The following KDM8 variants were observed in gnomAD, a reference collection of about 807,000 sequenced individuals.
KDM8 encodes the protein bifunctional peptidase and arginyl-hydroxylase JMJD5.
A neutral mutation model predicts 46.9 loss-of-function variants in KDM8; 35 were observed. The ratio of observed to expected loss-of-function variants is 0.75; its 90% CI spans 0.57 to 0.99. The LOEUF is 0.99. Ranked by LOEUF, KDM8 falls within the 50% of genes least tolerant of loss-of-function variation. The probability of loss-of-function intolerance (pLI) is 0.00; values close to 1 mark genes in which losing one functional copy is unlikely to be tolerated. For missense variants in KDM8, 475 were observed against 537.0 expected (o/e 0.88, Z 1.14); for synonymous variants, 232 against 227.7 (o/e 1.02, Z -0.17).
Position 27,210,187 on chromosome 16 carries a change from C to T in KDM8, c.64C>T (p.Leu22Phe). The change falls in exon 2 of 8, where the codon CTC becomes TTC. Residue 22 changes from leucine to phenylalanine, a missense_variant. Transcript: ENST00000286096. ...LAREGTLWEA[L>F]RALLPHSKED... ...CAGAGAAGGCACTTTATGGGAGGCCCTCAGGGCGCTCCTGCCGCACAGTAA... is the reference window on the plus strand; with the variant it reads ...CAGAGAAGGCACTTTATGGGAGGCCTTCAGGGCGCTCCTGCCGCACAGTAA... 1 of 1,613,450 alleles carries T rather than the reference C, an allele frequency of 6.2e-7. No individual in the cohort carries two copies. The highest frequency in any genetic ancestry group is 8.5e-7 in the Non-Finnish European group (1 of 1,180,034).
intron 2 of KDM8, 172 bp from the exon 3 acceptor site, chr16:27,213,413 A>G: frequency 1.6e-6 from 1 of 621,980 alleles, no homozygotes; most frequent in Non-Finnish European, 2.7e-6. Flanking sequence ...CCTTGATCTC[A>G]TGAGGAGCAA....
At chr16:27,208,870 G>A (rs1300199251) in intron 1 of KDM8, among the ~76,000 whole-genome samples, 3 of 152,184 alleles carry the variant, frequency 2.0e-5, no homozygotes, top group South Asian at 2.1e-4. Flanking sequence ...GGGGCTCTCT[G>A]AGCCCTACCA....
intron 5 of KDM8, 53 bp downstream of exon 5, chr16:27,216,042 C>T (rs1057255341): frequency 6.3e-7 from 1 of 1,590,940 alleles, no homozygotes; most frequent in South Asian, 1.1e-5. Flanking sequence ...TTCCCCTCTC[C>T]TCCCCTCCTG....
Position 27,210,593 on chromosome 16 carries a change from G to C in KDM8, c.470G>C (p.Gly157Ala), listed in dbSNP as rs755953168. The change falls in exon 2 of 8, where the codon GGC (glycine) becomes GCC (alanine). Residue 157 changes from glycine to alanine, a missense_variant. Physicochemically the swap from Gly to Ala is moderately conservative, Grantham distance 60. Coordinates refer to ENST00000286096, the MANE Select transcript of KDM8 (RefSeq NM_024773.3). Reference protein sequence around the residue: ...THLPGKRPARGSLPEQPCTKK... With the variant: ...THLPGKRPARASLPEQPCTKK... ...CTCCCTGGAAAGAGGCCTGCCCGTGGCTCCCTCCCAGAGCAACCCTGCACA... is the reference window on the plus strand; with the variant it reads ...CTCCCTGGAAAGAGGCCTGCCCGTGCCTCCCTCCCAGAGCAACCCTGCACA... 4 of 1,514,964 alleles carry C rather than the reference G, an allele frequency of 2.6e-6. No homozygotes were observed. The South Asian group carries it at 5.3e-5, about 20-fold the overall frequency. The allele number at this position is 1,514,964 out of a possible 1,614,324, so 93.8% of individuals were successfully genotyped here.
chr16:27,206,222 C>T (rs752449003), intron 1 of KDM8: 75 of 984,242 alleles, frequency 7.6e-5, no homozygotes, highest in Admixed American at 1.8e-4. Context: ...ATTCTTGACT[C>T]CCTCCTTTGG....
In KDM8 at chr16:27,220,461, G is replaced by T. The variant is rs202035405; in HGVS notation, c.1062G>T (p.Thr354=). The T allele has an allele frequency of 1.2e-6, 2 of 1,614,112 alleles. No individual in the cohort carries two copies. Among genetic ancestry groups the T allele is most frequent in the Non-Finnish European group, 8.5e-7 (1 of 1,179,988 alleles). ...QESGALYPHD[T]HLLHNTSQVD... ...CAGGGGCTCTGTACCCTCATGACAC[G>T]CACCTTCTCCATAACACGAGCCAGG... Residue 354 remains threonine (T), a synonymous_variant, in exon 7 of 8, where the codon ACG becomes ACT. Transcript: ENST00000286096.
Position 27,220,663 on chromosome 16 carries a change from C to T in KDM8, c.1184C>T (p.Pro395Leu), listed in dbSNP as rs752894004. ...TCTCCTGGAGAGATCCTGTTCATCCCGGTGAAATACTGGCATTACGTGCGG... is the reference window on the plus strand; with the variant it reads ...TCTCCTGGAGAGATCCTGTTCATCCTGGTGAAATACTGGCATTACGTGCGG... ...ILSPGEILFIPVKYWHYVRAL... is the reference protein window; with the variant it reads ...ILSPGEILFILVKYWHYVRAL... Residue 395 changes from proline to leucine, a missense_variant, in exon 8 of 8, where the codon CCG (proline) becomes CTG (leucine). By Grantham distance (98) the Pro-to-Leu change is moderately conservative (BLOSUM62 -3). Transcript: ENST00000286096. The T allele has an allele frequency of 1.8e-5, 29 of 1,614,028 alleles. No homozygotes were observed. The highest frequency in any genetic ancestry group is 2.4e-5 in the Non-Finnish European group (28 of 1,180,024).
At chr16:27,204,161 C>T in intron 1 of KDM8, 2 of 1,515,580 alleles carry the variant, frequency 1.3e-6, no homozygotes, top group Non-Finnish European at 1.8e-6. Flanking sequence ...CCTCGGGGCT[C>T]AAGGCCAGTG....
At chr16:27,214,610 GCA>G (rs1044883020) in intron 3 of KDM8, 32 of 425,136 alleles carry the variant, frequency 7.5e-5, no homozygotes, top group Admixed American at 1.4e-4. Flanking sequence ...GAGGCTGTTG[GCA>G]AGCAGGGAAC....
chr16:27,221,246 T>A lies in KDM8; in HGVS notation c.*516T>A, dbSNP rs2083622999. Reference sequence around the variant, plus strand: ...CTGCTGCTGCATGAACCTTAGCCGCTGTCACTGATCCCAATTACTCTGATC... The same window carrying A: ...CTGCTGCTGCATGAACCTTAGCCGCAGTCACTGATCCCAATTACTCTGATC... On this transcript the variant is annotated 3_prime_UTR_variant, in exon 8 of 8. Coordinates refer to ENST00000286096, the MANE Select transcript of KDM8 (RefSeq NM_024773.3). 3.6e-6 allele frequency: 1 copy of A among 276,934 alleles called. No individual in the cohort carries two copies. The highest frequency in any genetic ancestry group is 7.2e-6 in the Non-Finnish European group (1 of 139,796). The allele number at this position is 276,934 out of a possible 1,614,324, so 17.2% of individuals were successfully genotyped here. A position where few individuals can be genotyped will look rare whatever the true frequency, so the allele number is the denominator to read the frequency against.
At chr16:27,214,820 G>A (rs2083529384) in intron 3 of KDM8, 56 bp from the exon 4 acceptor site, 1 of 1,604,450 alleles carries the variant, frequency 6.2e-7, no homozygotes, top group Non-Finnish European at 8.5e-7. Context: ...AGCACACTTA[G>A]TACTATGCCC....
rs1049519488 is a variant in KDM8, at chr16:27,219,242, A to C, written c.993+132A>C. On this transcript the variant is annotated intron_variant, in intron 6 of 7. Transcript: ENST00000286096. ...AGCACTGAAGGGGATGAGGACAAAA[A>C]TATAAAGCAAACCCACAAACGGCCC... 16 of 1,028,210 alleles carry C rather than the reference A, an allele frequency of 1.6e-5. No individual in the cohort carries two copies. In the African/African-American group the frequency reaches 2.5e-4, roughly 16 times the overall value. 63.7% of individuals were successfully genotyped at this position (1,028,210 alleles called of 1,614,324 possible). A position where few individuals can be genotyped will look rare whatever the true frequency, so the allele number is the denominator to read the frequency against.
Position 27,214,861 on chromosome 16 carries a change from G to A in KDM8, c.666-15G>A, listed in dbSNP as rs2140971282. ...ATATTAGCAGTGACGATGCCAATGT[G>A]TGTCTTTCTGCTAGTTTGGAGTATA... On this transcript the variant is annotated splice_polypyrimidine_tract_variant and intron_variant, in intron 3 of 7. Transcript: ENST00000286096. 2 of 1,613,944 alleles carry A rather than the reference G, an allele frequency of 1.2e-6. No homozygotes were observed.
Position 27,210,601 on chromosome 16 carries a change from C to G in KDM8, c.478C>G (p.Pro160Ala). 1 of 1,513,788 alleles carries G rather than the reference C, an allele frequency of 6.6e-7. No individual in the cohort carries two copies. Among genetic ancestry groups the G allele is most frequent in the Non-Finnish European group, 8.8e-7 (1 of 1,131,234 alleles). 93.8% of individuals were successfully genotyped at this position (1,513,788 alleles called of 1,614,324 possible). ...PGKRPARGSL[P>A]EQPCTKKARA... ...AAAGAGGCCTGCCCGTGGCTCCCTC[C>G]CAGAGCAACCCTGCACAAAGGTATG... Residue 160 changes from proline (P) to alanine (A), a missense_variant, in exon 2 of 8, where the codon CCA (proline) becomes GCA (alanine). Pro to Ala is a conservative substitution (Grantham distance 27). Transcript: ENST00000286096.
At chr16:27,204,297 A>C in intron 1 of KDM8, 1 of 1,390,274 alleles carries the variant, frequency 7.2e-7, no homozygotes, top group Non-Finnish European at 9.3e-7. Flanking sequence ...CGCCGTGCTC[A>C]GGAGGACTCG....
rs1233219020 is a variant in KDM8, at chr16:27,220,684, T to C, written c.1205T>C (p.Val402Ala). ...LFIPVKYWHY[V>A]RALDLSFSVS... is the part of the protein sequence containing the mutation. Reference sequence around the variant, plus strand: ...ATCCCGGTGAAATACTGGCATTACGTGCGGGCTCTGGATTTGAGCTTCTCG... The same window carrying C: ...ATCCCGGTGAAATACTGGCATTACGCGCGGGCTCTGGATTTGAGCTTCTCG... The change falls in exon 8 of 8, where the codon GTG becomes GCG. Residue 402 changes from valine (V) to alanine (A), a missense_variant. Coordinates refer to ENST00000286096, the MANE Select transcript of KDM8 (RefSeq NM_024773.3). The C allele has an allele frequency of 1.9e-6, 3 of 1,613,958 alleles. No homozygotes were observed. Among genetic ancestry groups the C allele is most frequent in the African/African-American group, 1.3e-5 (1 of 74,894 alleles).
intron 5 of KDM8, among the ~76,000 whole-genome samples, chr16:27,218,403 G>A (rs1449569707): frequency 2.6e-5 from 4 of 152,158 alleles, no homozygotes; most frequent in Non-Finnish European, 4.4e-5. Flanking sequence ...GGGGAGCCGC[G>A]CCACCCTTAC....
At chr16:27,211,949 G>A (rs534075490) in intron 2 of KDM8, among the ~76,000 whole-genome samples, 5 of 152,246 alleles carry the variant, frequency 3.3e-5, no homozygotes, top group East Asian at 1.9e-4. Flanking sequence ...GATTACAGGC[G>A]TGAGCCACAA....
chr16:27,217,893 G>T (rs2083572710), intron 5 of KDM8, among the ~76,000 whole-genome samples: 1 of 151,944 alleles, frequency 6.6e-6, no homozygotes, highest in Admixed American at 6.6e-5. Context: ...GGTGGCCTGG[G>T]GGGTGTGGGC....
Sources: allele counts gnomAD v4.1 joint callset (sites outside exome capture counted in the v4.1 genomes callset), GRCh38; gene constraint gnomAD v4.1.1; transcripts MANE v1.5; gene names NCBI Gene and HGNC (gene_info 2026-07-23, HGNC 2026-07-21).